The following SLC41A2 variants were observed in gnomAD, a reference collection of about 807,000 sequenced individuals.
SLC41A2 encodes the protein solute carrier family 41 member 2, also known as SLC41A1-like 1.
In SLC41A2, 32 loss-of-function variants were observed where a neutral mutation model predicts 58.3. That is an observed-to-expected ratio of 0.55 (90% CI 0.41 to 0.74). The LOEUF is 0.74. Among genes scored for constraint, SLC41A2 ranks in the 30% least tolerant of loss-of-function variants. The pLI is 0.00. For missense variants in SLC41A2, 514 were observed against 680.6 expected, an observed-to-expected ratio of 0.76 and a Z score of 2.72; for synonymous variants, 190 against 235.0, an observed-to-expected ratio of 0.81 and a Z score of 1.75.
intron 8 of SLC41A2, among the ~76,000 whole-genome samples, chr12:104,849,169 C>T (rs1165594331): frequency 6.6e-6 from 1 of 152,048 alleles, no homozygotes; most frequent in Non-Finnish European, 1.5e-5. Context: ...AAATTACACA[C>T]CATAAAGGAA....
chr12:104,927,133 T>C (rs1250945153), intron 2 of SLC41A2, among the ~76,000 whole-genome samples: 1 of 152,142 alleles, frequency 6.6e-6, no homozygotes, highest in Non-Finnish European at 1.5e-5. Flanking sequence ...ATTTTGACAG[T>C]AGGAGTATAA....
Position 104,805,083 on chromosome 12 carries a change from GA to G in SLC41A2, c.*68del. 7.4e-7 allele frequency: 1 copy of G among 1,344,248 alleles called. No individual in the cohort carries two copies. The highest frequency in any genetic ancestry group is 1.0e-6 in the Non-Finnish European group (1 of 997,232). 83.3% of individuals were successfully genotyped at this position (1,344,248 alleles called of 1,614,324 possible). On this transcript the variant is annotated 3_prime_UTR_variant, in exon 11 of 11. Coordinates refer to ENST00000258538, the MANE Select transcript of SLC41A2 (RefSeq NM_001352171.3). ...GTCAAACTACTGATTTAAGAGTTTT[GA>G]AAAAGAGCCATAAGTGGTTGTCGTG...
chr12:104,866,337 A>G (rs1322040049), intron 7 of SLC41A2, 95 bp downstream of exon 7: 2 of 1,338,860 alleles, frequency 1.5e-6, no homozygotes, highest in African/African-American at 2.9e-5. Flanking sequence ...TTTAATATGC[A>G]TGTACATATA....
In SLC41A2 at chr12:104,897,462, AG is replaced by A. The variant is rs761220332; in HGVS notation, c.664-2118del. On this transcript the variant is annotated intron_variant, in intron 3 of 10. Transcript: ENST00000258538. ...ACCCAGTGTCACTTTTCAATTAATC[AG>A]TTTCTTTTTTTTTTCATGATCTCTA... is the stretch of plus-strand genomic sequence containing the variant. 5.3e-5 allele frequency among the ~76,000 whole-genome samples: 8 copies of A among 150,588 alleles called. No individual in the cohort carries two copies. The East Asian group carries it at 1.2e-3, about 22-fold the overall frequency.
At chr12:104,869,865 C>A (rs767228273) in intron 6 of SLC41A2, among the ~76,000 whole-genome samples, 6 of 152,070 alleles carry the variant, frequency 3.9e-5, no homozygotes, top group Non-Finnish European at 5.9e-5. Context: ...ATCAACAGAG[C>A]AAATAGTCAA....
At position 104,928,335 on chromosome 12, in the gene SLC41A2, A is replaced by G; in HGVS notation, c.193T>C (p.Trp65Arg). 1 of 1,612,756 alleles carries G rather than the reference A, an allele frequency of 6.2e-7. No homozygotes were observed. The highest frequency in any genetic ancestry group is 8.5e-7 in the Non-Finnish European group (1 of 1,179,316). The change falls in exon 2 of 11, where the codon TGG becomes CGG. Residue 65 changes from tryptophan to arginine, a missense_variant. By Grantham distance (101) the Trp-to-Arg change is moderately radical (BLOSUM62 -3). Around this residue, in one of 3 missense-constraint regions of SLC41A2, gnomAD observed 336 missense variants for 430.0 expected, o/e 0.78. Transcript: ENST00000258538. ...EDRHKKANGI[W>R]QDGLSTAVQT... ...ACTGCAGTTGATAATCCATCTTGCC[A>G]AATGCCGTTTGCTTTTTTGTGCCTG...
intron 3 of SLC41A2, among the ~76,000 whole-genome samples, chr12:104,897,940 G>A (rs966456109): frequency 6.6e-6 from 1 of 152,146 alleles, no homozygotes; most frequent in Non-Finnish European, 1.5e-5. Context: ...TGGAGAGGGA[G>A]AAGTATGAGT....
chr12:104,818,178 G>A (rs2041489209), intron 10 of SLC41A2, among the ~76,000 whole-genome samples: 1 of 152,124 alleles, frequency 6.6e-6, no homozygotes, highest in Non-Finnish European at 1.5e-5. Context: ...ATAGTCATAT[G>A]ACATAGACAT....
intron 10 of SLC41A2, among the ~76,000 whole-genome samples, chr12:104,834,753 C>G (rs941542807): frequency 6.6e-6 from 1 of 151,276 alleles, no homozygotes; most frequent in Non-Finnish European, 1.5e-5. Context: ...AATATTATAA[C>G]TGCTGTGCAA....
intron 2 of SLC41A2, among the ~76,000 whole-genome samples, chr12:104,918,530 A>C (rs2046433836): frequency 6.6e-6 from 1 of 152,008 alleles, no homozygotes. Flanking sequence ...GATCAAAGTG[A>C]AGAGCAACAT....
intron 10 of SLC41A2, among the ~76,000 whole-genome samples, chr12:104,821,164 A>T (rs780408830): frequency 2.2e-4 from 34 of 152,320 alleles, no homozygotes; most frequent in Non-Finnish European, 4.1e-4. Flanking sequence ...TAATTTAAAA[A>T]TCAGGGCTTT....
chr12:104,896,135 A>C (rs1014781750), intron 3 of SLC41A2, among the ~76,000 whole-genome samples: 4 of 152,190 alleles, frequency 2.6e-5, no homozygotes, highest in African/African-American at 9.7e-5. Flanking sequence ...TGATCTATAG[A>C]TAAGTTGATA....
At chr12:104,924,501 T>C (rs1593152387) in intron 2 of SLC41A2, among the ~76,000 whole-genome samples, 1 of 152,272 alleles carries the variant, frequency 6.6e-6, no homozygotes, top group East Asian at 1.9e-4. Flanking sequence ...TCCCAGCACT[T>C]TGGGAGGCTG....
chr12:104,806,137 A>G (rs2040888394), intron 10 of SLC41A2, among the ~76,000 whole-genome samples: 2 of 152,162 alleles, frequency 1.3e-5, no homozygotes, highest in South Asian at 2.1e-4. Flanking sequence ...GTATGTATAC[A>G]TGTGCCATGT....
At chr12:104,903,598 A>G (rs1036006297) in intron 3 of SLC41A2, among the ~76,000 whole-genome samples, 3 of 152,230 alleles carry the variant, frequency 2.0e-5, no homozygotes, top group Non-Finnish European at 4.4e-5. Context: ...TGATCAGAAG[A>G]GCACACTTTG....
chr12:104,917,231 C>T (rs1310360297), intron 2 of SLC41A2, among the ~76,000 whole-genome samples: 2 of 151,302 alleles, frequency 1.3e-5, no homozygotes, highest in Non-Finnish European at 3.0e-5. Context: ...AAAATGCTCA[C>T]CATCACTGGC....
intron 2 of SLC41A2, among the ~76,000 whole-genome samples, chr12:104,915,548 A>G (rs1417408766): frequency 1.3e-5 from 2 of 152,140 alleles, no homozygotes; most frequent in African/African-American, 4.8e-5. Context: ...ATGGGAGTTC[A>G]CTCATGATTT....
intron 8 of SLC41A2, among the ~76,000 whole-genome samples, chr12:104,849,443 T>A (rs1165050284): frequency 6.6e-6 from 1 of 152,210 alleles, no homozygotes; most frequent in Non-Finnish European, 1.5e-5. Context: ...CAACTATTTA[T>A]AACGACGTGC....
chr12:104,942,483 A>AC (rs1279382504), intron 1 of SLC41A2, among the ~76,000 whole-genome samples: 3 of 151,560 alleles, frequency 2.0e-5, no homozygotes, highest in African/African-American at 7.3e-5. Context: ...GTCCAAAAAA[A>AC]AAAAAAAACC....
Sources: allele counts gnomAD v4.1 joint callset (sites outside exome capture counted in the v4.1 genomes callset), GRCh38; gene constraint gnomAD v4.1.1; regional missense constraint gnomAD v4.1.1; transcripts MANE v1.5; gene names NCBI Gene and HGNC (gene_info 2026-07-23, HGNC 2026-07-21).